WDFY3: variants seen among roughly 807,000 people sequenced by gnomAD.
WDFY3 encodes the protein WD repeat and FYVE domain-containing protein 3.
WDFY3 carries 66 observed loss-of-function variants against 409.6 expected under a neutral mutation model. The ratio of observed to expected loss-of-function variants is 0.16; its 90% confidence interval spans 0.13 to 0.20. The LOEUF (loss-of-function observed/expected upper bound fraction) is 0.20, where lower values mean the gene tolerates loss of function less well. Ranked by LOEUF, WDFY3 falls within the 10% of genes least tolerant of loss-of-function variation. The pLI, the probability that WDFY3 is intolerant of heterozygous loss-of-function variation, is 1.00. For synonymous variants in WDFY3, 1,521 were observed against 1,537.1 expected (o/e 0.99, Z 0.25); for missense variants, 3,031 against 4,298.1 (o/e 0.71, Z 8.24).
intron 36 of WDFY3, among the ~76,000 whole-genome samples, chr4:84,745,993 G>T (rs1739371544): frequency 6.6e-6 from 1 of 151,884 alleles, no homozygotes; most frequent in Admixed American, 6.6e-5. Flanking sequence ...AGTCACAGAA[G>T]GACATAAACA....
At chr4:84,871,202 G>C (rs1016040286) in intron 3 of WDFY3, among the ~76,000 whole-genome samples, 2 of 152,042 alleles carry the variant, frequency 1.3e-5, no homozygotes, top group African/African-American at 4.8e-5. Context: ...CAAACATAAA[G>C]AGAAAATCAT....
chr4:84,739,540 T>C (rs979815448), intron 39 of WDFY3, among the ~76,000 whole-genome samples: 5 of 152,188 alleles, frequency 3.3e-5, no homozygotes, highest in Admixed American at 1.3e-4. Flanking sequence ...TGGGCATTCA[T>C]ACAGACTGTT....
chr4:84,688,008 C>G lies in WDFY3; in HGVS notation c.9543+78G>C. 4 of 1,476,490 alleles carry G rather than the reference C, an allele frequency of 2.7e-6. No individual in the cohort carries two copies. The South Asian group carries it at 5.1e-5, about 19-fold the overall frequency. 91.5% of individuals were successfully genotyped at this position (1,476,490 alleles called of 1,614,324 possible). A position where few individuals can be genotyped will look rare whatever the true frequency, so the allele number is the denominator to read the frequency against. Reference sequence around the variant, plus strand: ...GCAGCTGCAACTCAGACATGTTCCCCTGAGCCCCACCATTTTTAATTGAGT... The same window carrying G: ...GCAGCTGCAACTCAGACATGTTCCCGTGAGCCCCACCATTTTTAATTGAGT... On this transcript the variant is annotated intron_variant, in intron 62 of 67. Transcript: ENST00000295888.
intron 37 of WDFY3, 70 bp from the exon 38 acceptor site, chr4:84,741,991 A>AAAAATCAGGCT: frequency 2.8e-6 from 4 of 1,415,282 alleles, no homozygotes; most frequent in Non-Finnish European, 3.8e-6. Context: ...TCCTCAAAAA[A>AAAAATCAGGCT]AAAATCAGGC....
At chr4:84,869,177 C>T (rs1488863030) in intron 3 of WDFY3, among the ~76,000 whole-genome samples, 1 of 152,136 alleles carries the variant, frequency 6.6e-6, no homozygotes, top group Non-Finnish European at 1.5e-5. Context: ...AGATATATCC[C>T]AGATCTTGGC....
At chr4:84,753,047 G>A (rs1386379271) in intron 35 of WDFY3, among the ~76,000 whole-genome samples, 1 of 152,128 alleles carries the variant, frequency 6.6e-6, no homozygotes, top group Non-Finnish European at 1.5e-5. Flanking sequence ...AAACTATCCT[G>A]CAAGCCCTCT....
intron 32 of WDFY3, among the ~76,000 whole-genome samples, chr4:84,757,926 C>A (rs1017432523): frequency 3.3e-5 from 5 of 152,168 alleles, no homozygotes; most frequent in Non-Finnish European, 7.3e-5. Context: ...GATGGTAAAT[C>A]CAAGCCCGTT....
chr4:84,860,639 A>G lies in WDFY3; in HGVS notation c.-31-17T>C. ...CTTCTAATTCTGTAGGAAAATGTCA[A>G]TACATGAACAGTCAAAACATCATCA... On this transcript the variant is annotated splice_polypyrimidine_tract_variant and intron_variant, in intron 3 of 67. Transcript: ENST00000295888. 4 of 1,529,004 alleles carry G rather than the reference A, an allele frequency of 2.6e-6. No individual in the cohort carries two copies. The highest frequency in any genetic ancestry group is 3.5e-6 in the Non-Finnish European group (4 of 1,130,230). The allele number at this position is 1,529,004 out of a possible 1,614,324, so 94.7% of individuals were successfully genotyped here.
chr4:84,777,845 T>C (rs1745812135), intron 27 of WDFY3, among the ~76,000 whole-genome samples: 1 of 152,020 alleles, frequency 6.6e-6, no homozygotes. Flanking sequence ...TAGTACATAA[T>C]AACTAACATG....
intron 8 of WDFY3, 42 bp downstream of exon 8, chr4:84,831,371 G>A (rs1042348001): frequency 3.0e-6 from 4 of 1,320,240 alleles, no homozygotes; most frequent in African/African-American, 1.5e-5. Context: ...GAAGAAAAGT[G>A]GAAGAAATTT....
chr4:84,713,806 G>C (rs1475999747), intron 50 of WDFY3, among the ~76,000 whole-genome samples: 1 of 152,156 alleles, frequency 6.6e-6, no homozygotes, highest in Admixed American at 6.5e-5. Flanking sequence ...CCAGAGATGT[G>C]TGTTGTTTTT....
intron 25 of WDFY3, among the ~76,000 whole-genome samples, chr4:84,781,235 A>G (rs1469276747): frequency 1.3e-5 from 2 of 152,048 alleles, no homozygotes; most frequent in Non-Finnish European, 2.9e-5. Flanking sequence ...AAAAAAAAAA[A>G]ATCACACCTA....
intron 34 of WDFY3, 73 bp downstream of exon 34, chr4:84,755,193 A>C: frequency 6.3e-7 from 1 of 1,575,732 alleles, no homozygotes; most frequent in Non-Finnish European, 8.6e-7. Flanking sequence ...TTACCAAAAA[A>C]TTCCTCTATT....
At chr4:84,753,640 T>C in intron 35 of WDFY3, 57 bp downstream of exon 35, 1 of 1,482,314 alleles carries the variant, frequency 6.7e-7, no homozygotes, top group Non-Finnish European at 9.0e-7. Context: ...TGAAACAGAC[T>C]AATTCCAGTT....
At chr4:84,826,282 G>A (rs1754852855) in intron 10 of WDFY3, among the ~76,000 whole-genome samples, 1 of 152,088 alleles carries the variant, frequency 6.6e-6, no homozygotes, top group Admixed American at 6.5e-5. Context: ...CATTGTATTT[G>A]GTATTTTAAG....
intron 9 of WDFY3, 122 bp from the exon 10 acceptor site, chr4:84,827,103 G>C: frequency 2.1e-6 from 2 of 970,664 alleles, no homozygotes; most frequent in Non-Finnish European, 2.9e-6. Context: ...GGGAAGTACT[G>C]AAAGAACACT....
chr4:84,844,500 C>A, intron 5 of WDFY3: 1 of 1,289,538 alleles, frequency 7.8e-7, no homozygotes, highest in Admixed American at 2.3e-5. Flanking sequence ...CAGCAGGGCA[C>A]ACTGTTTTTC....
chr4:84,960,179 T>C (rs150284026), intron 1 of WDFY3, among the ~76,000 whole-genome samples: 97 of 152,328 alleles, frequency 6.4e-4, no homozygotes, highest in Non-Finnish European at 1.1e-3. Context: ...ATTCCTGATA[T>C]GTTTGCTATT....
chr4:84,762,582 GTGCAC>G (rs1419320992), intron 32 of WDFY3, among the ~76,000 whole-genome samples: 2 of 151,884 alleles, frequency 1.3e-5, no homozygotes, highest in African/African-American at 4.8e-5. Context: ...CCTGCACATT[GTGCAC>G]ATGTACCCTA....
Sources: gnomAD v4.1 joint callset for allele counts (sites outside exome capture counted in the v4.1 genomes callset) on GRCh38, gnomAD v4.1.1 for gene constraint, MANE v1.5 for transcripts, NCBI Gene and HGNC (gene_info 2026-07-23, HGNC 2026-07-21) for gene names.